DENND1B: variants seen among roughly 807,000 people sequenced by gnomAD.
DENND1B encodes DENN domain containing 1B.
DENND1B carries 59 observed loss-of-function variants against 90.1 expected under a neutral mutation model. The ratio of observed to expected loss-of-function variants is 0.65; its 90% CI spans 0.53 to 0.81. The LOEUF is 0.81. Ranked by LOEUF, DENND1B falls within the 40% of genes least tolerant of loss-of-function variation. The pLI is 0.00. For synonymous variants in DENND1B, 337 were observed against 324.6 expected (o/e 1.04, Z -0.41); for missense variants, 862 against 912.6 (o/e 0.94, Z 0.71).
intron 20 of DENND1B, among the ~76,000 whole-genome samples, chr1:197,521,912 A>G (rs2125614416): frequency 6.6e-6 from 1 of 152,154 alleles, no homozygotes; most frequent in East Asian, 1.9e-4. Flanking sequence ...AACAAAGCAA[A>G]GTGACTTGGG....
chr1:197,529,767 G>A (rs534226033), intron 20 of DENND1B, among the ~76,000 whole-genome samples: 70 of 152,196 alleles, frequency 4.6e-4, no homozygotes, highest in African/African-American at 1.6e-3. Context: ...ATAGATTTAT[G>A]TTATCTTATA....
intron 13 of DENND1B, among the ~76,000 whole-genome samples, chr1:197,601,262 C>G (rs1676184269): frequency 6.6e-6 from 1 of 151,424 alleles, no homozygotes; most frequent in South Asian, 2.1e-4. Context: ...ATGAACAAAT[C>G]TAACAATCTG....
rs545364464 is a variant in DENND1B at position 197,529,888 on chromosome 1, A to T, written c.1515+10076T>A. ...TGACCAGTGGCTATATTCTCAGTGG[A>T]CTCACTGGCCCTGTTTTCAATAAAA... On this transcript the variant is annotated intron_variant, in intron 20 of 22. Transcript: ENST00000620048. Among the ~76,000 whole-genome samples, 4 of 152,222 alleles carry T rather than the reference A, an allele frequency of 2.6e-5. No individual in the cohort carries two copies. The South Asian group carries it at 8.3e-4, about 32-fold the overall frequency.
In DENND1B at chr1:197,726,846, G is replaced by T. The variant is rs572607690; in HGVS notation, c.83-11772C>A. On this transcript the variant is annotated intron_variant, in intron 2 of 22. Transcript: ENST00000620048. ...ATGTTAGAGAAATCTAAGGACTTGTGGGGAACACCTTTCAAATGTTCATAG... is the reference window on the plus strand; with the variant it reads ...ATGTTAGAGAAATCTAAGGACTTGTTGGGAACACCTTTCAAATGTTCATAG... Among the ~76,000 whole-genome samples, 5 of 152,250 alleles carry T rather than the reference G, an allele frequency of 3.3e-5. No individual in the cohort carries two copies. The East Asian group carries it at 9.7e-4, about 29-fold the overall frequency.
At chr1:197,780,959 C>T in the DENND1B span, among the ~76,000 whole-genome samples, 1 of 152,074 alleles carries the variant, frequency 6.6e-6, no homozygotes, top group African/African-American at 2.4e-5. Flanking sequence ...TGTACTATGA[C>T]AATTAGAAAG....
chr1:197,583,275 A>C, intron 14 of DENND1B, 22 bp from the exon 15 acceptor site: 1 of 1,608,818 alleles, frequency 6.2e-7, no homozygotes, highest in Non-Finnish European at 8.5e-7. Context: ...TAAAGATTTT[A>C]AGGGCATCAA....
intron 6 of DENND1B, among the ~76,000 whole-genome samples, chr1:197,656,161 C>T (rs977422233): frequency 6.6e-6 from 1 of 152,008 alleles, no homozygotes; most frequent in Non-Finnish European, 1.5e-5. Context: ...CTCTTTTCAT[C>T]TCTTCAGACA....
intron 2 of DENND1B, among the ~76,000 whole-genome samples, chr1:197,717,403 T>C (rs1296070605): frequency 6.6e-6 from 1 of 152,058 alleles, no homozygotes; most frequent in East Asian, 1.9e-4. Context: ...ATATACACTG[T>C]GTTTCTCTTT....
intron 2 of DENND1B, among the ~76,000 whole-genome samples, chr1:197,744,168 C>T (rs1005239590): frequency 5.3e-5 from 8 of 152,198 alleles, no homozygotes; most frequent in East Asian, 1.9e-4. Context: ...CTGTTAATGT[C>T]GATATTTTGA....
chr1:197,571,190 A>G (rs548546093), intron 15 of DENND1B, among the ~76,000 whole-genome samples: 7 of 152,066 alleles, frequency 4.6e-5, no homozygotes, highest in Non-Finnish European at 8.8e-5. Flanking sequence ...CTCCTCTAAC[A>G]TATTTTCACA....
chr1:197,650,833 A>G (rs1653066321), intron 7 of DENND1B, among the ~76,000 whole-genome samples: 1 of 152,166 alleles, frequency 6.6e-6, no homozygotes, highest in Admixed American at 6.5e-5. Context: ...GCAAAAGCAT[A>G]AGAATGATAT....
At position 197,545,909 on chromosome 1, in the gene DENND1B, C is replaced by CA. The variant is rs1318154329; in HGVS notation, c.1350+12dup. ...TTTCATAAATAGGATTGTTAAATAT[C>CA]AAAAAAACTTACAAATTTATATGCT... On this transcript the variant is annotated intron_variant, in intron 18 of 22. Transcript: ENST00000620048. 4 of 1,590,174 alleles carry CA rather than the reference C, an allele frequency of 2.5e-6. No homozygotes were observed. Among genetic ancestry groups the CA allele is most frequent in the African/African-American group, 2.7e-5 (2 of 73,472 alleles).
intron 20 of DENND1B, among the ~76,000 whole-genome samples, chr1:197,517,305 A>G (rs562621060): frequency 1.3e-5 from 2 of 151,890 alleles, no homozygotes; most frequent in African/African-American, 4.8e-5. Flanking sequence ...TGATGAAAAG[A>G]AAAAAGGAAT....
At chr1:197,673,265 G>A (rs1655710314) in intron 4 of DENND1B, among the ~76,000 whole-genome samples, 1 of 151,898 alleles carries the variant, frequency 6.6e-6, no homozygotes, top group Non-Finnish European at 1.5e-5. Flanking sequence ...TATGAAACGT[G>A]TAACTTTTTT....
chr1:197,546,839 A>G, intron 16 of DENND1B, 66 bp from the exon 17 acceptor site: 1 of 1,421,292 alleles, frequency 7.0e-7, no homozygotes, highest in South Asian at 1.3e-5. Context: ...ACCAAAATTT[A>G]TCAAGAACTA....
At chr1:197,624,852 G>A (rs1003030016) in intron 10 of DENND1B, among the ~76,000 whole-genome samples, 1 of 151,916 alleles carries the variant, frequency 6.6e-6, no homozygotes, top group African/African-American at 2.4e-5. Context: ...GCCAAGGCTC[G>A]AGAACTATGT....
chr1:197,781,491 G>A, the DENND1B span, among the ~76,000 whole-genome samples: 1 of 152,088 alleles, frequency 6.6e-6, no homozygotes, highest in Non-Finnish European at 1.5e-5. Flanking sequence ...TTTTAATATT[G>A]ACTGAGATAG....
chr1:197,582,786 A>G (rs1020978780), intron 15 of DENND1B, among the ~76,000 whole-genome samples: 1 of 142,220 alleles, frequency 7.0e-6, no homozygotes, highest in Non-Finnish European at 1.6e-5. Context: ...ATTACAATGG[A>G]ATAATCCTAT....
chr1:197,670,958 C>T lies in DENND1B; in HGVS notation c.296+1079G>A, dbSNP rs190147553. 5.2e-4 allele frequency among the ~76,000 whole-genome samples: 79 copies of T among 152,176 alleles called. No homozygotes were observed. The East Asian group carries it at 5.8e-3, about 11-fold the overall frequency. On this transcript the variant is annotated intron_variant, in intron 5 of 22. Coordinates refer to ENST00000620048, the MANE Select transcript of DENND1B (RefSeq NM_001195215.2). ...TAAAGAGAGAATGGGGGCACATTCA[C>T]GATTCTATAACTTCTAAAGCAGTTA...
Sources: allele counts gnomAD v4.1 joint callset (sites outside exome capture counted in the v4.1 genomes callset), GRCh38; gene constraint gnomAD v4.1.1; transcripts MANE v1.5; gene names NCBI Gene and HGNC (gene_info 2026-07-23, HGNC 2026-07-21).